The following KIAA1328 variants were observed in gnomAD, a reference collection of about 807,000 sequenced individuals.
KIAA1328 encodes KIAA1328, also known as protein hinderin.
A neutral mutation model predicts 68.1 loss-of-function variants in KIAA1328; 52 were observed. The ratio of observed to expected loss-of-function variants is 0.76; its 90% CI spans 0.61 to 0.96. KIAA1328 has a LOEUF of 0.96. KIAA1328 is among the 40% of genes least tolerant of loss of function. The probability of loss-of-function intolerance (pLI) is 0.00; values close to 1 mark genes in which losing one functional copy is unlikely to be tolerated. For missense variants in KIAA1328, 641 were observed against 677.6 expected (o/e 0.95, Z 0.60); for synonymous variants, 232 against 239.4 (o/e 0.97, Z 0.28).
At chr18:37,015,568 C>CT (rs764439400) in intron 6 of KIAA1328, among the ~76,000 whole-genome samples, 31 of 151,722 alleles carry the variant, frequency 2.0e-4, no homozygotes, top group Non-Finnish European at 3.7e-4. Context: ...CAAATACTGT[C>CT]TATCTGTAGA....
intron 7 of KIAA1328, among the ~76,000 whole-genome samples, chr18:37,068,999 CT>C (rs896872504): frequency 1.2e-4 from 18 of 151,758 alleles, no homozygotes; most frequent in African/African-American, 3.6e-4. Context: ...TCCAATTTAT[CT>C]TTTTTTTCTG....
intron 6 of KIAA1328, among the ~76,000 whole-genome samples, chr18:37,019,875 T>C (rs1442002846): frequency 6.6e-6 from 1 of 151,800 alleles, no homozygotes; most frequent in Non-Finnish European, 1.5e-5. Flanking sequence ...AACAGATGAG[T>C]GGGTACAACA....
At chr18:37,186,214 A>G (rs2059797015) in intron 9 of KIAA1328, among the ~76,000 whole-genome samples, 1 of 147,134 alleles carries the variant, frequency 6.8e-6, no homozygotes, top group Non-Finnish European at 1.5e-5. Context: ...CTCCTGCCTC[A>G]GCCTCCCGAG....
chr18:36,899,859 A>T (rs1022115341), intron 5 of KIAA1328, among the ~76,000 whole-genome samples: 8 of 151,992 alleles, frequency 5.3e-5, no homozygotes, highest in African/African-American at 1.9e-4. Context: ...AATTTTAAAG[A>T]ACAAGAATTT....
intron 7 of KIAA1328, among the ~76,000 whole-genome samples, chr18:37,149,657 G>C (rs1352726275): frequency 6.6e-6 from 1 of 152,136 alleles, no homozygotes; most frequent in African/African-American, 2.4e-5. Flanking sequence ...GTAAAAAATT[G>C]ATATTATAAT....
intron 7 of KIAA1328, among the ~76,000 whole-genome samples, chr18:37,097,486 A>G (rs959025418): frequency 3.3e-5 from 5 of 152,198 alleles, no homozygotes; most frequent in Non-Finnish European, 5.9e-5. Flanking sequence ...GCCTTGTAGT[A>G]TAGTTTGAAG....
At chr18:37,047,943 A>G (rs72890583) in intron 6 of KIAA1328, among the ~76,000 whole-genome samples, 20,331 of 152,140 alleles carry the variant, frequency 0.13, 1,750 homozygotes, top group Non-Finnish European at 0.18. Flanking sequence ...ATGACACCAA[A>G]TGTGTTTATT....
intron 3 of KIAA1328, among the ~76,000 whole-genome samples, chr18:36,840,412 G>T (rs2046820747): frequency 6.6e-6 from 1 of 151,286 alleles, no homozygotes; most frequent in African/African-American, 2.4e-5. Context: ...AGAAATGGTG[G>T]TTTGCTTTTT....
intron 7 of KIAA1328, 23 bp downstream of exon 7, chr18:37,067,568 T>A: frequency 6.9e-7 from 1 of 1,458,020 alleles, no homozygotes; most frequent in Non-Finnish European, 9.0e-7. Flanking sequence ...TGTTCTTTTT[T>A]TTTTTTTTTT....
Position 37,222,832 on chromosome 18 carries a change from A to G in KIAA1328, c.*605A>G. On this transcript the variant is annotated 3_prime_UTR_variant, in exon 10 of 10. Coordinates refer to ENST00000280020, the MANE Select transcript of KIAA1328 (RefSeq NM_020776.3). ...CTGGCAGCTGCCCATCCCATAACCA[A>G]AGAGCTCAATGGGCTGGAGGGTGAG... 2 of 990,324 alleles carry G rather than the reference A, an allele frequency of 2.0e-6. No homozygotes were observed. The highest frequency in any genetic ancestry group is 2.4e-6 in the Non-Finnish European group (2 of 833,438). The allele number at this position is 990,324 out of a possible 1,614,324, so 61.3% of individuals were successfully genotyped here.
chr18:37,014,030 A>G (rs1412011871), intron 6 of KIAA1328, among the ~76,000 whole-genome samples: 1 of 152,168 alleles, frequency 6.6e-6, no homozygotes, highest in African/African-American at 2.4e-5. Flanking sequence ...ATTTTTACTA[A>G]TAGTCATTCT....
intron 7 of KIAA1328, among the ~76,000 whole-genome samples, chr18:37,098,190 G>A (rs149259521): frequency 0.13 from 20,015 of 151,646 alleles, 1,340 homozygotes; most frequent in Non-Finnish European, 0.18. Context: ...TGCCCATTCA[G>A]TATGGTATTG....
intron 5 of KIAA1328, among the ~76,000 whole-genome samples, chr18:36,889,046 G>T (rs2048593625): frequency 6.6e-6 from 1 of 152,090 alleles, no homozygotes; most frequent in African/African-American, 2.4e-5. Flanking sequence ...TTAGTAAAAA[G>T]GAAAAGATAT....
intron 5 of KIAA1328, among the ~76,000 whole-genome samples, chr18:36,948,016 C>T (rs1045578488): frequency 6.6e-6 from 1 of 152,080 alleles, no homozygotes; most frequent in Admixed American, 6.5e-5. Flanking sequence ...GTTTGACCTC[C>T]CCTTCCCATC....
chr18:37,112,630 A>G (rs1168579804), intron 7 of KIAA1328, among the ~76,000 whole-genome samples: 2 of 152,244 alleles, frequency 1.3e-5, no homozygotes, highest in Admixed American at 6.5e-5. Context: ...CTCACCTGCA[A>G]CGGAACAAAG....
At chr18:37,203,870 C>T (rs1160613158) in intron 9 of KIAA1328, among the ~76,000 whole-genome samples, 17 of 151,244 alleles carry the variant, frequency 1.1e-4, no homozygotes, top group East Asian at 3.9e-4. Flanking sequence ...AGTGCAGTGG[C>T]GCCATCTCAG....
chr18:37,178,376 A>G (rs1381506202), intron 9 of KIAA1328, among the ~76,000 whole-genome samples: 3 of 152,164 alleles, frequency 2.0e-5, no homozygotes, highest in Admixed American at 6.6e-5. Context: ...ACTTGACATA[A>G]TATGCTTCAG....
intron 9 of KIAA1328, among the ~76,000 whole-genome samples, chr18:37,203,396 T>C (rs2060151344): frequency 6.6e-6 from 1 of 152,192 alleles, no homozygotes; most frequent in East Asian, 1.9e-4. Context: ...CAACTTAAAG[T>C]AACCTTTAAA....
intron 7 of KIAA1328, among the ~76,000 whole-genome samples, chr18:37,082,166 ATTTTTTTTTTT>A (rs34106395): frequency 2.0e-5 from 2 of 100,424 alleles, no homozygotes; most frequent in African/African-American, 4.2e-5. Context: ...TGCCCCAAGG[ATTTTTTTTTTT>A]TTTTTTTTTT....
Sources: gnomAD v4.1 joint callset for allele counts (sites outside exome capture counted in the v4.1 genomes callset) on GRCh38, gnomAD v4.1.1 for gene constraint, MANE v1.5 for transcripts, NCBI Gene and HGNC (gene_info 2026-07-23, HGNC 2026-07-21) for gene names.